RBFOX3: variants seen among roughly 807,000 people sequenced by gnomAD.
RBFOX3 encodes the protein RNA binding fox-1 homolog 3.
In RBFOX3, 17 loss-of-function variants were observed where a neutral mutation model predicts 48.7. That is an observed-to-expected ratio of 0.35 (90% CI 0.24 to 0.52). The LOEUF is 0.52. RBFOX3 is among the 20% of genes least tolerant of loss of function. RBFOX3 has a pLI of 0.94. For missense variants in RBFOX3, 382 were observed against 497.5 expected (o/e 0.77, Z 2.21); for synonymous variants, 212 against 209.5 (o/e 1.01, Z -0.10).
At chr17:79,433,819 C>T (rs181428589) in intron 2 of RBFOX3, among the ~76,000 whole-genome samples, 229 of 152,268 alleles carry the variant, frequency 1.5e-3, no homozygotes, top group Non-Finnish European at 2.6e-3. Flanking sequence ...CAAGGGCTCC[C>T]GGGGAAATAC....
chr17:79,326,198 C>T (rs2079295819), intron 2 of RBFOX3, among the ~76,000 whole-genome samples: 1 of 152,176 alleles, frequency 6.6e-6, no homozygotes, highest in Non-Finnish European at 1.5e-5. Context: ...TGGTGGTGGG[C>T]CCCTCCACCT....
intron 1 of RBFOX3, among the ~76,000 whole-genome samples, chr17:79,561,925 A>G (rs1264997692): frequency 2.0e-5 from 3 of 152,148 alleles, no homozygotes; most frequent in Admixed American, 6.5e-5. Context: ...GCATGGTGCT[A>G]TGAGTCCCAC....
At position 79,547,591 on chromosome 17, in the gene RBFOX3, C is replaced by G. The variant is rs191560985; in HGVS notation, c.-320+63235G>C. ...CAGAACTGGAGCTGAGTCCACTCAC[C>G]CAAACAAACACACACCCCCAGCACA... is the stretch of plus-strand genomic sequence containing the variant. On this transcript the variant is annotated intron_variant, in intron 1 of 14. Transcript: ENST00000693108. Among the ~76,000 whole-genome samples, 766 of 152,316 alleles carry G rather than the reference C, an allele frequency of 5.0e-3. 3 individuals carry two copies. The highest frequency in any genetic ancestry group is 0.014 in the Middle Eastern group (4 of 294).
intron 4 of RBFOX3, among the ~76,000 whole-genome samples, chr17:79,180,385 G>C (rs566510916): frequency 6.6e-6 from 1 of 152,224 alleles, no homozygotes; most frequent in South Asian, 2.1e-4. Context: ...CTCAAACTAC[G>C]TCTCCTGTCT....
At chr17:79,649,299 G>C in the RBFOX3 span, among the ~76,000 whole-genome samples, 34 of 152,166 alleles carry the variant, frequency 2.2e-4, no homozygotes, top group Non-Finnish European at 4.4e-4. Context: ...ACATCTACTG[G>C]GACAAGCCAG....
At chr17:79,500,554 G>C (rs1330784141) in intron 1 of RBFOX3, among the ~76,000 whole-genome samples, 1 of 152,178 alleles carries the variant, frequency 6.6e-6, no homozygotes, top group African/African-American at 2.4e-5. Context: ...ACCATGCCCA[G>C]TCATTGATTG....
At chr17:79,642,166 A>G in the RBFOX3 span, among the ~76,000 whole-genome samples, 28 of 152,224 alleles carry the variant, frequency 1.8e-4, no homozygotes, top group Non-Finnish European at 4.0e-4. Flanking sequence ...AAAAATGTCA[A>G]ACTCATAAAA....
At chr17:79,542,512 G>GGCCGGACACA (rs2089861188) in intron 1 of RBFOX3, among the ~76,000 whole-genome samples, 1 of 87,210 alleles carries the variant, frequency 1.1e-5, no homozygotes, top group South Asian at 3.8e-4. Context: ...CAGTTTTCTA[G>GGCCGGACACA]GTGGCTGACG....
intron 2 of RBFOX3, among the ~76,000 whole-genome samples, chr17:79,459,250 C>T (rs1304792772): frequency 6.6e-6 from 1 of 152,132 alleles, no homozygotes; most frequent in African/African-American, 2.4e-5. Context: ...CTGGAGGTTC[C>T]GAGGCTCTGG....
chr17:79,596,719 G>GCAGA (rs1282671553), intron 1 of RBFOX3, among the ~76,000 whole-genome samples: 39,793 of 151,904 alleles, frequency 0.26, 6,272 homozygotes, highest in East Asian at 0.52. Context: ...AGATGGAGCT[G>GCAGA]CAGACGCCCA....
At chr17:79,620,064 T>C in the RBFOX3 span, among the ~76,000 whole-genome samples, 178 of 128,028 alleles carry the variant, frequency 1.4e-3, no homozygotes, top group Middle Eastern at 0.011. Context: ...CACACATATG[T>C]ACATGCACAC....
chr17:79,112,061 C>A (rs1299751966), intron 5 of RBFOX3, among the ~76,000 whole-genome samples: 1 of 152,202 alleles, frequency 6.6e-6, no homozygotes, highest in South Asian at 2.1e-4. Context: ...AGCAGAGACG[C>A]CCCTGCCCCA....
chr17:79,443,119 C>G lies in RBFOX3; in HGVS notation c.-175+39335G>C. On this transcript the variant is annotated intron_variant, in intron 2 of 14. Transcript: ENST00000693108. This position sits in a 1 kb window ranked among gnomAD's most constrained non-coding sequence, Gnocchi z 4.4. ...TGGCCTCTGCCCCTGTGGACAAAACCGGAGCTCAGCCTCCCATGTCGCCTC... is the reference window on the plus strand; with the variant it reads ...TGGCCTCTGCCCCTGTGGACAAAACGGGAGCTCAGCCTCCCATGTCGCCTC... Among the ~76,000 whole-genome samples the G allele has an allele frequency of 6.6e-6, 1 of 152,298 alleles. No homozygotes were observed. Among genetic ancestry groups the G allele is most frequent in the Middle Eastern group, 3.4e-3 (1 of 294 alleles).
chr17:79,185,463 G>A (rs994807301), intron 4 of RBFOX3, among the ~76,000 whole-genome samples: 4 of 152,314 alleles, frequency 2.6e-5, no homozygotes, highest in Non-Finnish European at 4.4e-5. Flanking sequence ...CCTCGTGAGC[G>A]TGGTGCCCTG....
chr17:79,198,280 A>G lies in RBFOX3; in HGVS notation c.-34+37486T>C, dbSNP rs2056090077. ...CCCTCTGCCCTCGCCCCTGCCCTGCACCTCTCCATCCCACATGAGGCGACC... is the reference window on the plus strand; with the variant it reads ...CCCTCTGCCCTCGCCCCTGCCCTGCGCCTCTCCATCCCACATGAGGCGACC... On this transcript the variant is annotated intron_variant, in intron 4 of 14. Coordinates refer to ENST00000693108, the MANE Select transcript of RBFOX3 (RefSeq NM_001350451.2). This position sits in a 1 kb window ranked among gnomAD's most constrained non-coding sequence, Gnocchi z 8.2. 6.6e-6 allele frequency among the ~76,000 whole-genome samples: 1 copy of G among 152,056 alleles called. No homozygotes were observed. Among genetic ancestry groups the G allele is most frequent in the Non-Finnish European group, 1.5e-5 (1 of 68,012 alleles).
chr17:79,270,366 T>C (rs549074218), intron 3 of RBFOX3, among the ~76,000 whole-genome samples: 29 of 152,290 alleles, frequency 1.9e-4, no homozygotes, highest in Admixed American at 1.4e-3. Context: ...CCTCTAAGGC[T>C]GATCTCAGTA....
At chr17:79,593,644 T>C (rs1255199262) in intron 1 of RBFOX3, among the ~76,000 whole-genome samples, 1 of 152,204 alleles carries the variant, frequency 6.6e-6, no homozygotes, top group Non-Finnish European at 1.5e-5. Flanking sequence ...CTCTGCTCAC[T>C]TTAGATAACT....
At chr17:79,309,613 G>T (rs1463964166) in intron 2 of RBFOX3, among the ~76,000 whole-genome samples, 1 of 152,164 alleles carries the variant, frequency 6.6e-6, no homozygotes, top group Non-Finnish European at 1.5e-5. Flanking sequence ...CTCATGGCCT[G>T]TCGCATCATA....
intron 2 of RBFOX3, among the ~76,000 whole-genome samples, chr17:79,388,880 A>G (rs1306791986): frequency 6.6e-6 from 1 of 152,188 alleles, no homozygotes; most frequent in Non-Finnish European, 1.5e-5. Flanking sequence ...CTCACCGATC[A>G]CCATCCTCTC....
Sources: gnomAD v4.1 joint callset for allele counts (sites outside exome capture counted in the v4.1 genomes callset) on GRCh38, gnomAD v4.1.1 for gene constraint, Gnocchi (gnomAD v3.1) non-coding constraint, MANE v1.5 for transcripts, NCBI Gene and HGNC (gene_info 2026-07-23, HGNC 2026-07-21) for gene names.